ARHGEF9: variants seen among roughly 807,000 people sequenced by gnomAD.
The protein encoded by ARHGEF9 is rho guanine nucleotide exchange factor 9.
Under a neutral mutation model 41.3 loss-of-function variants are expected in ARHGEF9, and 2 were observed. The ratio of observed to expected loss-of-function variants is 0.05; its 90% CI spans 0.02 to 0.15. ARHGEF9 has a LOEUF of 0.15. Ranked by LOEUF, ARHGEF9 falls within the 10% of genes least tolerant of loss-of-function variation. The pLI is 1.00. For missense variants in ARHGEF9, 225 were observed against 424.7 expected, an observed-to-expected ratio of 0.53 and a Z score of 4.13; for synonymous variants, 160 against 154.4, an observed-to-expected ratio of 1.04 and a Z score of -0.27.
At chrX:63,709,477 T>G (rs1234083433) in intron 2 of ARHGEF9, among the ~76,000 whole-genome samples, 2 of 111,822 alleles carry the variant, frequency 1.8e-5, no homozygotes, top group African/African-American at 6.5e-5. Context: ...CCTTTTCTAT[T>G]TTCACTGTCA....
intron 8 of ARHGEF9, among the ~76,000 whole-genome samples, chrX:63,651,333 A>G (rs781932980): frequency 2.3e-3 from 256 of 111,522 alleles, no homozygotes; most frequent in African/African-American, 8.1e-3. Context: ...CTTTCTCAAA[A>G]TCTACTGTAA....
intron 1 of ARHGEF9, among the ~76,000 whole-genome samples, chrX:63,782,347 G>C (rs1233674324): frequency 8.9e-6 from 1 of 111,985 alleles, no homozygotes; most frequent in Non-Finnish European, 1.9e-5. Flanking sequence ...ATAGTTTCAG[G>C]ACTGAGAAAC....
At chrX:63,703,339 G>A (rs1556397800) in intron 3 of ARHGEF9, 1 of 112,207 alleles carries the variant, frequency 8.9e-6, no homozygotes, top group African/African-American at 3.2e-5. Context: ...CATAGGAAGA[G>A]GCCAAGATGT....
intron 8 of ARHGEF9, among the ~76,000 whole-genome samples, chrX:63,647,442 G>A (rs1180643062): frequency 2.8e-4 from 31 of 111,557 alleles, no homozygotes; most frequent in Non-Finnish European, 1.5e-4. Context: ...TAGCATGAAG[G>A]GTTGTTGAAT....
chrX:63,756,524 AC>A (rs1230189592), intron 1 of ARHGEF9, among the ~76,000 whole-genome samples: 1 of 112,517 alleles, frequency 8.9e-6, no homozygotes, highest in Non-Finnish European at 1.9e-5. Context: ...ACATGCTACA[AC>A]ATAGATGAGC....
At chrX:63,639,938 A>G (rs1204838488) in intron 9 of ARHGEF9, 1 of 112,072 alleles carries the variant, frequency 8.9e-6, no homozygotes, top group Non-Finnish European at 1.9e-5. Flanking sequence ...AGAGAGTACA[A>G]TGATGGTTAC....
At chrX:63,745,870 T>A (rs1408595726) in intron 1 of ARHGEF9, among the ~76,000 whole-genome samples, 1 of 111,987 alleles carries the variant, frequency 8.9e-6, no homozygotes, top group Non-Finnish European at 1.9e-5. Flanking sequence ...AAAATCTGCA[T>A]ACGCAAGATG....
intron 1 of ARHGEF9, among the ~76,000 whole-genome samples, chrX:63,774,342 A>T (rs782005636): frequency 3.6e-5 from 4 of 111,254 alleles, no homozygotes; most frequent in Non-Finnish European, 1.9e-5. Flanking sequence ...AGTATTTGAG[A>T]TTGCCTATCA....
At chrX:63,784,325 G>A (rs2056426684) in intron 1 of ARHGEF9, among the ~76,000 whole-genome samples, 1 of 112,671 alleles carries the variant, frequency 8.9e-6, no homozygotes, top group Admixed American at 9.3e-5. Flanking sequence ...TCTGCAAAAG[G>A]AAGTCATTCC....
intron 1 of ARHGEF9, chrX:63,754,545 G>A: frequency 1.8e-6 from 2 of 1,089,745 alleles, no homozygotes; most frequent in Non-Finnish European, 2.4e-6. Context: ...CTACAATCAC[G>A]GCAAAAACGA....
intron 1 of ARHGEF9, among the ~76,000 whole-genome samples, chrX:63,747,195 T>A (rs187381790): frequency 8.9e-6 from 1 of 112,301 alleles, no homozygotes; most frequent in East Asian, 2.8e-4. Context: ...CTATCCTTAT[T>A]TTGCTGATGA....
chrX:63,705,415 A>C (rs1447111291), intron 3 of ARHGEF9, among the ~76,000 whole-genome samples: 1 of 107,172 alleles, frequency 9.3e-6, no homozygotes, highest in East Asian at 2.9e-4. Context: ...AATCCTTTTA[A>C]AACGCTGCCT....
intron 7 of ARHGEF9, chrX:63,658,204 G>T (rs1159526785): frequency 4.5e-5 from 5 of 112,114 alleles, no homozygotes; most frequent in Middle Eastern, 4.6e-3. Flanking sequence ...GGGGAAACAG[G>T]GCTAGAGAGA....
At chrX:63,673,276 T>C (rs1431242419) in intron 6 of ARHGEF9, among the ~76,000 whole-genome samples, 2 of 111,303 alleles carry the variant, frequency 1.8e-5, no homozygotes, top group Non-Finnish European at 3.8e-5. Context: ...CCTACCTCTA[T>C]ATTGTGACCA....
chrX:63,718,219 G>A (rs1556411364), intron 2 of ARHGEF9, among the ~76,000 whole-genome samples: 1 of 111,484 alleles, frequency 9.0e-6, no homozygotes, highest in Non-Finnish European at 1.9e-5. Flanking sequence ...TTTTGTTCAG[G>A]ACTTAGTAAA....
intron 1 of ARHGEF9, among the ~76,000 whole-genome samples, chrX:63,745,299 G>A (rs1277211132): frequency 1.8e-5 from 2 of 111,343 alleles, no homozygotes; most frequent in African/African-American, 6.5e-5. Flanking sequence ...GCCACTCACA[G>A]GGCTGCATCT....
At chrX:63,697,656 C>T (rs2051844107) in intron 3 of ARHGEF9, among the ~76,000 whole-genome samples, 1 of 111,692 alleles carries the variant, frequency 9.0e-6, no homozygotes, top group African/African-American at 3.3e-5. Context: ...ATTCACATCT[C>T]TAAAGTTCTA....
At chrX:63,755,140 G>A (rs1452647261) in intron 1 of ARHGEF9, 4 of 937,540 alleles carry the variant, frequency 4.3e-6, no homozygotes, top group Non-Finnish European at 5.3e-6. Flanking sequence ...TCAGCCCATA[G>A]GCTGCCTTTT....
intron 3 of ARHGEF9, chrX:63,701,409 T>C (rs1423940714): frequency 1.8e-5 from 2 of 110,960 alleles, no homozygotes; most frequent in Non-Finnish European, 3.8e-5. Flanking sequence ...GACAAACATC[T>C]TGAAGACATT....
Sources: allele counts gnomAD v4.1 joint callset (sites outside exome capture counted in the v4.1 genomes callset), GRCh38; gene constraint gnomAD v4.1.1; transcripts MANE v1.5; gene names NCBI Gene and HGNC (gene_info 2026-07-23, HGNC 2026-07-21).